PTPRK: variants seen among roughly 807,000 people sequenced by gnomAD.
PTPRK encodes the protein receptor-type tyrosine-protein phosphatase kappa.
In PTPRK, 75 loss-of-function variants were observed where a neutral mutation model predicts 178.0. That is an observed-to-expected ratio of 0.42 (90% confidence interval 0.35 to 0.51). PTPRK has a LOEUF of 0.51. Among genes scored for constraint, PTPRK ranks in the 20% least tolerant of loss-of-function variants. PTPRK has a pLI of 0.02. For synonymous variants in PTPRK, 637 were observed against 620.6 expected, an observed-to-expected ratio of 1.03 and a Z score of -0.39; for missense variants, 1,441 against 1,797.8, an observed-to-expected ratio of 0.80 and a Z score of 3.59.
chr6:128,365,299 A>C (rs1479902047), intron 2 of PTPRK, among the ~76,000 whole-genome samples: 2 of 152,108 alleles, frequency 1.3e-5, no homozygotes, highest in Admixed American at 1.3e-4. Context: ...TTATAGACAC[A>C]AACAATCAAA....
At chr6:128,089,354 T>A (rs1345809628) in intron 8 of PTPRK, among the ~76,000 whole-genome samples, 1 of 152,220 alleles carries the variant, frequency 6.6e-6, no homozygotes, top group Non-Finnish European at 1.5e-5. Flanking sequence ...TCAAGTGCAT[T>A]TTACCAATAG....
intron 9 of PTPRK, 123 bp from the exon 10 acceptor site, chr6:128,082,761 C>G (rs2115000710): frequency 1.6e-6 from 1 of 634,550 alleles, no homozygotes; most frequent in East Asian, 2.9e-5. Context: ...TTTTTTTCTT[C>G]TTTTCTTTCT....
At chr6:128,010,361 T>C (rs770181957) in intron 13 of PTPRK, among the ~76,000 whole-genome samples, 1 of 151,264 alleles carries the variant, frequency 6.6e-6, no homozygotes, top group African/African-American at 2.4e-5. Flanking sequence ...CATGAACAGA[T>C]ACGCAAAGAA....
chr6:128,171,227 C>T (rs1800199750), intron 7 of PTPRK, among the ~76,000 whole-genome samples: 1 of 151,976 alleles, frequency 6.6e-6, no homozygotes, highest in African/African-American at 2.4e-5. Flanking sequence ...TCACAACCTA[C>T]TTACACATCA....
chr6:128,266,118 G>C (rs1396281493), intron 3 of PTPRK, among the ~76,000 whole-genome samples: 1 of 152,092 alleles, frequency 6.6e-6, no homozygotes, highest in Non-Finnish European at 1.5e-5. Context: ...ATGGCATTTT[G>C]CTATAGCAGA....
chr6:128,140,794 A>G (rs1056298623), intron 7 of PTPRK, among the ~76,000 whole-genome samples: 3 of 151,982 alleles, frequency 2.0e-5, no homozygotes, highest in Non-Finnish European at 4.4e-5. Flanking sequence ...AAATTCACAC[A>G]AAGGCTTAGT....
At chr6:128,446,860 T>G (rs1160888700) in intron 1 of PTPRK, among the ~76,000 whole-genome samples, 1 of 152,172 alleles carries the variant, frequency 6.6e-6, no homozygotes, top group African/African-American at 2.4e-5. Flanking sequence ...CAATCTTGTG[T>G]TTTTTACCCC....
chr6:128,292,197 T>A (rs1049468946), intron 3 of PTPRK, among the ~76,000 whole-genome samples: 3 of 151,994 alleles, frequency 2.0e-5, no homozygotes, highest in Non-Finnish European at 4.4e-5. Context: ...CATAGAAAAA[T>A]AAAACAAATA....
At chr6:128,058,341 C>T (rs1465563038) in intron 13 of PTPRK, among the ~76,000 whole-genome samples, 1 of 152,030 alleles carries the variant, frequency 6.6e-6, no homozygotes, top group Non-Finnish European at 1.5e-5. Context: ...TACACTTTTT[C>T]ATTTTACTAA....
intron 2 of PTPRK, among the ~76,000 whole-genome samples, chr6:128,338,815 T>C (rs1831287837): frequency 6.6e-6 from 1 of 152,168 alleles, no homozygotes; most frequent in South Asian, 2.1e-4. Flanking sequence ...TTTTACTTCT[T>C]TCTGGGGCTA....
chr6:128,140,390 G>A (rs189663271), intron 7 of PTPRK, among the ~76,000 whole-genome samples: 2 of 151,806 alleles, frequency 1.3e-5, no homozygotes, highest in Non-Finnish European at 2.9e-5. Flanking sequence ...ATACCTCAAG[G>A]AATGCTTTTT....
chr6:128,253,630 A>T (rs55828045), intron 3 of PTPRK, among the ~76,000 whole-genome samples: 9,729 of 152,238 alleles, frequency 0.064, 827 homozygotes, highest in African/African-American at 0.19. Flanking sequence ...CAGCACCAAC[A>T]GTCCAATCTT....
chr6:128,251,927 G>T lies in PTPRK; in HGVS notation c.496-9325C>A, dbSNP rs142867688. Among the ~76,000 whole-genome samples the T allele has an allele frequency of 3.0e-3, 461 of 152,278 alleles. 1 individual carries two copies. Among genetic ancestry groups the T allele is most frequent in the African/African-American group, 8.9e-3 (369 of 41,542 alleles). On this transcript the variant is annotated intron_variant, in intron 3 of 29. Coordinates refer to ENST00000368226, the MANE Select transcript of PTPRK (RefSeq NM_002844.4). Reference sequence around the variant, plus strand: ...CATTATCTAACAGGGATGACATCAGGTATAACCAGAGTGCAGTTGCATGAA... The same window carrying T: ...CATTATCTAACAGGGATGACATCAGTTATAACCAGAGTGCAGTTGCATGAA...
intron 7 of PTPRK, among the ~76,000 whole-genome samples, chr6:128,105,014 A>G (rs1269565237): frequency 6.6e-6 from 1 of 152,166 alleles, no homozygotes; most frequent in Non-Finnish European, 1.5e-5. Flanking sequence ...AACTAGTTTA[A>G]TGATATTCAT....
intron 3 of PTPRK, among the ~76,000 whole-genome samples, chr6:128,300,323 A>G (rs1331702665): frequency 6.6e-6 from 1 of 152,154 alleles, no homozygotes; most frequent in Non-Finnish European, 1.5e-5. Context: ...GGGATTCCTC[A>G]GGGATCTAGA....
chr6:128,500,674 C>T (rs1855425513), intron 1 of PTPRK: 2 of 152,132 alleles, frequency 1.3e-5, no homozygotes, highest in African/African-American at 4.8e-5. Context: ...TAGTGCTACA[C>T]CTTTATTAAT....
At chr6:128,486,251 T>C (rs1852857157) in intron 1 of PTPRK, among the ~76,000 whole-genome samples, 1 of 152,196 alleles carries the variant, frequency 6.6e-6, no homozygotes, top group African/African-American at 2.4e-5. Flanking sequence ...TTATTATTAA[T>C]GTATTACTTA....
intron 5 of PTPRK, among the ~76,000 whole-genome samples, chr6:128,237,242 T>C (rs981762347): frequency 6.6e-6 from 1 of 152,230 alleles, no homozygotes. Context: ...CAATACTACA[T>C]AATGTAAGTT....
At chr6:128,482,648 A>C (rs577746267) in intron 1 of PTPRK, among the ~76,000 whole-genome samples, 1 of 152,282 alleles carries the variant, frequency 6.6e-6, no homozygotes, top group Non-Finnish European at 1.5e-5. Flanking sequence ...AAAGCCACCC[A>C]TGTACCACTT....
Sources: gnomAD v4.1 joint callset for allele counts (sites outside exome capture counted in the v4.1 genomes callset) on GRCh38, gnomAD v4.1.1 for gene constraint, MANE v1.5 for transcripts, NCBI Gene and HGNC (gene_info 2026-07-23, HGNC 2026-07-21) for gene names.